The following PTH2R variants were observed in gnomAD, a reference collection of about 807,000 sequenced individuals.
PTH2R encodes PTH2 receptor.
PTH2R carries 59 observed loss-of-function variants against 60.3 expected under a neutral mutation model. That is an observed-to-expected ratio of 0.98 (90% CI 0.79 to 1.22). PTH2R has a LOEUF of 1.22. PTH2R is among the 50% of genes most tolerant of loss of function. PTH2R has a pLI of 0.00. For missense variants in PTH2R, 749 were observed against 682.6 expected (o/e 1.10, Z -1.08); for synonymous variants, 256 against 243.8 (o/e 1.05, Z -0.47).
intron 11 of PTH2R, among the ~76,000 whole-genome samples, 179 bp from the exon 12 acceptor site, chr2:208,490,460 C>T (rs560667307): frequency 1.3e-5 from 2 of 152,166 alleles, no homozygotes; most frequent in South Asian, 2.1e-4. Flanking sequence ...CAAGGAAAGA[C>T]GTCAAACAAA....
intron 9 of PTH2R, among the ~76,000 whole-genome samples, chr2:208,476,140 C>T (rs1285971576): frequency 6.6e-6 from 1 of 152,044 alleles, no homozygotes; most frequent in African/African-American, 2.4e-5. Flanking sequence ...ATATCTAGTG[C>T]ACTTTTCAAA....
rs953016441 is a variant in PTH2R at position 208,443,568 on chromosome 2, T to G, written c.699+31T>G. On this transcript the variant is annotated intron_variant, in intron 6 of 12. Coordinates refer to ENST00000272847, the MANE Select transcript of PTH2R (RefSeq NM_005048.4). ...TGTTTTCACCATTTTCTCTCATTAC[T>G]AATTTGTATAACACTACAAATAAGT... The G allele has an allele frequency of 3.2e-6, 5 of 1,538,606 alleles. No individual in the cohort carries two copies. The African/African-American group carries it at 6.9e-5, about 21-fold the overall frequency.
chr2:208,448,968 A>G (rs1702345112), intron 7 of PTH2R, among the ~76,000 whole-genome samples: 1 of 152,180 alleles, frequency 6.6e-6, no homozygotes, highest in African/African-American at 2.4e-5. Flanking sequence ...ATTATCATCT[A>G]AAACATAATG....
intron 1 of PTH2R, among the ~76,000 whole-genome samples, chr2:208,390,319 G>T (rs1471315179): frequency 6.6e-6 from 1 of 152,172 alleles, no homozygotes; most frequent in East Asian, 1.9e-4. Context: ...CTCCTGAGAG[G>T]AGTTAGTCAC....
chr2:208,448,047 C>T (rs1448525395), intron 7 of PTH2R, among the ~76,000 whole-genome samples: 1 of 152,112 alleles, frequency 6.6e-6, no homozygotes, highest in African/African-American at 2.4e-5. Flanking sequence ...CATATAAAAC[C>T]ACCTATCCTA....
intron 9 of PTH2R, among the ~76,000 whole-genome samples, chr2:208,462,149 C>G (rs1042907374): frequency 5.3e-5 from 8 of 152,186 alleles, no homozygotes; most frequent in Admixed American, 2.0e-4. Context: ...TCTTAACTTA[C>G]TCACAATCTA....
chr2:208,411,343 G>T (rs1408328035), intron 1 of PTH2R, among the ~76,000 whole-genome samples: 1 of 152,226 alleles, frequency 6.6e-6, no homozygotes, highest in Non-Finnish European at 1.5e-5. Flanking sequence ...AGATAAGAGA[G>T]TTGGTTTGTT....
intron 2 of PTH2R, among the ~76,000 whole-genome samples, chr2:208,429,526 A>G (rs950098880): frequency 6.6e-6 from 1 of 152,170 alleles, no homozygotes; most frequent in African/African-American, 2.4e-5. Flanking sequence ...ATTTAAAATT[A>G]CTATATTTAA....
At chr2:208,420,515 A>G (rs1056902597) in intron 1 of PTH2R, among the ~76,000 whole-genome samples, 9 of 151,912 alleles carry the variant, frequency 5.9e-5, no homozygotes, top group South Asian at 2.1e-4. Flanking sequence ...TCAAAATACT[A>G]TATTGCACTT....
chr2:208,400,236 A>C (rs1265328170), intron 1 of PTH2R, among the ~76,000 whole-genome samples: 1 of 152,224 alleles, frequency 6.6e-6, no homozygotes, highest in Non-Finnish European at 1.5e-5. Flanking sequence ...ATAAAATATG[A>C]ATTCTAAATA....
chr2:208,451,738 G>C (rs543223147), intron 8 of PTH2R, among the ~76,000 whole-genome samples: 1 of 152,236 alleles, frequency 6.6e-6, no homozygotes, highest in Non-Finnish European at 1.5e-5. Flanking sequence ...CTAACTGTGA[G>C]TCATTAAGTT....
At chr2:208,468,738 G>T (rs547243031) in intron 9 of PTH2R, among the ~76,000 whole-genome samples, 1 of 152,250 alleles carries the variant, frequency 6.6e-6, no homozygotes. Flanking sequence ...GCACAGAAAG[G>T]CTTTTTCTTT....
intron 4 of PTH2R, among the ~76,000 whole-genome samples, chr2:208,440,280 A>C (rs1177995778): frequency 6.6e-6 from 1 of 152,210 alleles, no homozygotes; most frequent in Non-Finnish European, 1.5e-5. Flanking sequence ...TAACAACTTC[A>C]AGAAATATGT....
intron 1 of PTH2R, among the ~76,000 whole-genome samples, chr2:208,382,991 T>G: frequency 6.6e-6 from 1 of 152,232 alleles, no homozygotes; most frequent in East Asian, 1.9e-4. Flanking sequence ...ATTTGCATTA[T>G]TAGTCTATTC....
intron 1 of PTH2R, among the ~76,000 whole-genome samples, chr2:208,374,324 G>A (rs191997917): frequency 1.3e-5 from 2 of 151,884 alleles, no homozygotes; most frequent in Non-Finnish European, 2.9e-5. Context: ...TTACTCTATT[G>A]TAGAACTTTG....
At chr2:208,378,426 T>A (rs920458450) in intron 1 of PTH2R, among the ~76,000 whole-genome samples, 1 of 152,030 alleles carries the variant, frequency 6.6e-6, no homozygotes, top group African/African-American at 2.4e-5. Flanking sequence ...TCTTTCAATA[T>A]GTAAGGTAAG....
At chr2:208,473,868 A>G (rs1329960825) in intron 9 of PTH2R, among the ~76,000 whole-genome samples, 1 of 152,032 alleles carries the variant, frequency 6.6e-6, no homozygotes, top group Non-Finnish European at 1.5e-5. Flanking sequence ...TATTGTTTCA[A>G]TTTTATAACT....
intron 1 of PTH2R, among the ~76,000 whole-genome samples, chr2:208,388,871 G>A (rs1016651820): frequency 7.9e-5 from 12 of 152,084 alleles, no homozygotes; most frequent in South Asian, 6.2e-4. Flanking sequence ...TTTAGCTAGC[G>A]CTTACAGCAG....
upstream of PTH2R, among the ~76,000 whole-genome samples, chr2:208,404,206 A>G (rs1210850700): frequency 1.3e-5 from 2 of 152,180 alleles, no homozygotes. Context: ...GTTCTCATCT[A>G]ATTATTTGAG....
Sources: allele counts gnomAD v4.1 joint callset (sites outside exome capture counted in the v4.1 genomes callset), GRCh38; gene constraint gnomAD v4.1.1; transcripts MANE v1.5; gene names NCBI Gene and HGNC (gene_info 2026-07-23, HGNC 2026-07-21).